INSRR: variants seen among roughly 807,000 people sequenced by gnomAD.
INSRR encodes insulin receptor-related protein.
A neutral mutation model predicts 130.0 loss-of-function variants in INSRR; 114 were observed. The ratio of observed to expected loss-of-function variants is 0.88; its 90% CI spans 0.75 to 1.02. INSRR has a LOEUF of 1.02. Among genes scored for constraint, INSRR ranks in the 50% least tolerant of loss-of-function variants. The pLI is 0.00. For synonymous variants in INSRR, 674 were observed against 705.2 expected, an observed-to-expected ratio of 0.96 and a Z score of 0.70; for missense variants, 1,657 against 1,735.2, an observed-to-expected ratio of 0.95 and a Z score of 0.80.
Position 156,851,717 on chromosome 1 carries a change from A to C in INSRR, c.1013T>G (p.Ile338Ser). The C allele has an allele frequency of 6.2e-7, 1 of 1,614,168 alleles. No homozygotes were observed. Residue 338 changes from isoleucine to serine, a missense_variant, in exon 4 of 22, where the codon ATC becomes AGC. Physicochemically the swap from Ile to Ser is moderately radical, Grantham distance 142. Coordinates refer to ENST00000368195, the MANE Select transcript of INSRR (RefSeq NM_014215.3). ...CKVGTKTIDS[I>S]QAAQDLVGCT... is the part of the protein sequence containing the mutation. ...GCCCACAAGATCCTGTGCCGCCTGG[A>C]TGGAGTCGATGGTCTTGGTGCCTAC... is the stretch of plus-strand genomic sequence containing the variant.
At position 156,851,303 on chromosome 1, in the gene INSRR, C is replaced by T. The variant is rs373665204; in HGVS notation, c.1216G>A (p.Ala406Thr). 139 of 1,613,988 alleles carry T rather than the reference C, an allele frequency of 8.6e-5. No homozygotes were observed. The highest frequency in any genetic ancestry group is 1.1e-4 in the Non-Finnish European group (127 of 1,180,016). Reference protein sequence around the residue: ...FKNLKLIRGDAMVDGNYTLYV... With the variant: ...FKNLKLIRGDTMVDGNYTLYV... ...CCTAACCCTTACCCATCCACCATGG[C>T]GTCTCCCCGGATTAGTTTGAGGTTC... The change falls in exon 5 of 22, where the codon GCC (alanine) becomes ACC (threonine). Residue 406 changes from alanine to threonine, a missense_variant. By Grantham distance (58) the Ala-to-Thr change is moderately conservative. Coordinates refer to ENST00000368195, the MANE Select transcript of INSRR (RefSeq NM_014215.3).
In INSRR at chr1:156,854,289, C is replaced by G; in HGVS notation, c.100G>C (p.Asp34His). ...LDTVEVCPSLDIRSEVAELRQ... is the reference protein window; with the variant it reads ...LDTVEVCPSLHIRSEVAELRQ... The stretch of plus-strand genomic sequence containing the variant: ...AGCTCTGCCACCTCTGAGCGAATAT[C>G]CAGGCTGGGGCACACTGTGGGCATA... Residue 34 changes from aspartate to histidine, a missense_variant, in exon 2 of 22, where the codon GAT becomes CAT. Transcript: ENST00000368195. The surrounding 1 kb of genome is among the most constrained non-coding windows in gnomAD (Gnocchi z 4.2). 2 of 1,611,314 alleles carry G rather than the reference C, an allele frequency of 1.2e-6. No individual in the cohort carries two copies. Among genetic ancestry groups the G allele is most frequent in the Non-Finnish European group, 1.7e-6 (2 of 1,179,016 alleles).
At position 156,854,032 on chromosome 1, in the gene INSRR, C is replaced by T. The variant is rs757031431; in HGVS notation, c.357G>A (p.Glu119=). 3 of 1,614,116 alleles carry T rather than the reference C, an allele frequency of 1.9e-6. No homozygotes were observed. The highest frequency in any genetic ancestry group is 2.5e-6 in the Non-Finnish European group (3 of 1,180,016). Residue 119 remains glutamate, a synonymous_variant, in exon 2 of 22, where the codon GAG becomes GAA. Coordinates refer to ENST00000368195, the MANE Select transcript of INSRR (RefSeq NM_014215.3). The surrounding 1 kb of genome is among the most constrained non-coding windows in gnomAD (Gnocchi z 4.2). ...GTGCCACGTCACGCAGATGTGGCAT[C>T]TCAAAGATGACCAGTGCATAGCCCA... The part of the protein sequence containing the change: ...LFLGYALVIF[E]MPHLRDVALP...
chr1:156,841,821 A>T (rs1342330218), intron 19 of INSRR, 27 bp from the exon 20 acceptor site: 1 of 1,613,812 alleles, frequency 6.2e-7, no homozygotes, highest in African/African-American at 1.3e-5. Context: ...AGGGTGGAGG[A>T]GGTGTGGGGC....
intron 17 of INSRR, 52 bp from the exon 18 acceptor site, chr1:156,842,560 G>T: frequency 6.8e-7 from 1 of 1,463,262 alleles, no homozygotes; most frequent in Non-Finnish European, 9.6e-7. Flanking sequence ...TGACCCATTT[G>T]GCCAAAATTC....
At position 156,841,478 on chromosome 1, in the gene INSRR, T is replaced by C; in HGVS notation, c.3578A>G (p.Tyr1193Cys). Residue 1193 changes from tyrosine to cysteine, a missense_variant, in exon 21 of 22, where the codon TAC (tyrosine) becomes TGC (cysteine). Coordinates refer to ENST00000368195, the MANE Select transcript of INSRR (RefSeq NM_014215.3). ...WEIVTLAEQP[Y>C]QGLSNEQVLK... is the part of the protein sequence containing the mutation. ...CACCTGCTCATTGGACAGGCCCTGG[T>C]AGGGTTGTTCTGCCAGGGTCACAAT... 1.2e-6 allele frequency: 2 copies of C among 1,613,924 alleles called. No homozygotes were observed. The highest frequency in any genetic ancestry group is 1.7e-6 in the Non-Finnish European group (2 of 1,179,906).
rs1174280974 is a variant in INSRR, at chr1:156,854,000, G to T, written c.389C>A (p.Ala130Glu). 1.2e-6 allele frequency: 2 copies of T among 1,613,776 alleles called. No homozygotes were observed. The highest frequency in any genetic ancestry group is 1.7e-6 in the Non-Finnish European group (2 of 1,179,780). The change falls in exon 2 of 22, where the codon GCA (alanine) becomes GAA (glutamate). Residue 130 changes from alanine (A) to glutamate (E), a missense_variant. Transcript: ENST00000368195. ...AGCCCCACGCAGCACGGCCCCAAGT[G>T]CAGGCAGTGCCACGTCACGCAGATG... Reference protein sequence around the residue: ...MPHLRDVALPALGAVLRGAVR... With the variant: ...MPHLRDVALPELGAVLRGAVR...
rs550996068 is a variant in INSRR, at chr1:156,845,716, G to C, written c.2077C>G (p.Pro693Ala). 6.2e-7 allele frequency: 1 copy of C among 1,613,650 alleles called. No individual in the cohort carries two copies. Residue 693 changes from proline to alanine, a missense_variant, in exon 10 of 22, where the codon CCA becomes GCA. Coordinates refer to ENST00000368195, the MANE Select transcript of INSRR (RefSeq NM_014215.3). ...GGGGGCAGAACCTGACCAGGAGGTG[G>C]GTGCTGGCAAGGGCAGCAGTCGGAC... Reference protein sequence around the residue: ...MESDCCPCQHPPPGQVLPPLE... With the variant: ...MESDCCPCQHAPPGQVLPPLE...
At position 156,846,543 on chromosome 1, in the gene INSRR, C is replaced by A; in HGVS notation, c.1786G>T (p.Val596Phe). ...CCTGCAGGCAGCGTTCGGAGGTAGA[C>A]GATGGGACTCTGGGCTCCTTGATGA... ...SPHQGAQSPI[V>F]YLRTLPAAPT... Residue 596 changes from valine to phenylalanine, a missense_variant, in exon 8 of 22, where the codon GTC (valine) becomes TTC (phenylalanine). Transcript: ENST00000368195. 1 of 1,614,104 alleles carries A rather than the reference C, an allele frequency of 6.2e-7. No homozygotes were observed. The highest frequency in any genetic ancestry group is 8.5e-7 in the Non-Finnish European group (1 of 1,179,988).
At chr1:156,844,384 G>T in intron 14 of INSRR, 78 bp downstream of exon 14, 1 of 1,565,996 alleles carries the variant, frequency 6.4e-7, no homozygotes, top group South Asian at 1.2e-5. Context: ...GGAGGGATGC[G>T]GGGGAGGGGC....
rs867185775 is a variant in INSRR at position 156,840,790 on chromosome 1, G to C, written c.*83C>G. 9 of 1,067,472 alleles carry C rather than the reference G, an allele frequency of 8.4e-6. No homozygotes were observed. Among genetic ancestry groups the C allele is most frequent in the Middle Eastern group, 2.8e-4 (1 of 3,570 alleles). The allele number at this position is 1,067,472 out of a possible 1,614,324, so 66.1% of individuals were successfully genotyped here. A position where few individuals can be genotyped will look rare whatever the true frequency, so the allele number is the denominator to read the frequency against. ...TCCCTTGCCCTGAGTTGGGGTGGGGGTGAACATTCAGGCGTCTCAGCCACA... is the reference window on the plus strand; with the variant it reads ...TCCCTTGCCCTGAGTTGGGGTGGGGCTGAACATTCAGGCGTCTCAGCCACA... On this transcript the variant is annotated 3_prime_UTR_variant, in exon 22 of 22. Transcript: ENST00000368195.
rs1654930236 is a variant in INSRR, at chr1:156,844,769, C to T, written c.2512G>A (p.Glu838Lys). The T allele has an allele frequency of 1.2e-6, 2 of 1,614,100 alleles. No individual in the cohort carries two copies. The highest frequency in any genetic ancestry group is 1.7e-6 in the Non-Finnish European group (2 of 1,180,036). ...SKNSVLLRWL[E>K]PPDPNGLILK... ...ATGAGTCCGTTGGGGTCTGGTGGCTCGAGCCAGCGCAGAAGGACACTGTTC... is the reference window on the plus strand; with the variant it reads ...ATGAGTCCGTTGGGGTCTGGTGGCTTGAGCCAGCGCAGAAGGACACTGTTC... Residue 838 changes from glutamate to lysine, a missense_variant, in exon 13 of 22, where the codon GAG (glutamate) becomes AAG (lysine). Transcript: ENST00000368195.
chr1:156,843,293 C>A, intron 16 of INSRR, 60 bp from the exon 17 acceptor site: 4 of 1,575,750 alleles, frequency 2.5e-6, no homozygotes, highest in African/African-American at 1.3e-5. Context: ...CCTCACCCCC[C>A]AACTTCTCTT....
rs1288073186 is a variant in INSRR at position 156,846,664 on chromosome 1, G to A, written c.1665C>T (p.Thr555=). The A allele has an allele frequency of 5.0e-6, 8 of 1,614,176 alleles. No individual in the cohort carries two copies. The highest frequency in any genetic ancestry group is 6.8e-6 in the Non-Finnish European group (8 of 1,180,038). Residue 555 remains threonine, a synonymous_variant, in exon 8 of 22, where the codon ACC becomes ACT. Transcript: ENST00000368195. ...LLDVELPLSR[T]QEPGVTLASL... ...AGGCTAGGGTCACCCCTGGCTCCTG[G>A]GTGCGGCTTAGGGGCAGCTCCACAT...
chr1:156,849,186 C>A (rs1202142144), intron 6 of INSRR, 60 bp downstream of exon 6: 1 of 1,604,748 alleles, frequency 6.2e-7, no homozygotes, highest in African/African-American at 1.3e-5. Context: ...TCTCCCTCCC[C>A]CGGGTGTGCG....
chr1:156,858,314 C>A (rs927809738), intron 1 of INSRR, among the ~76,000 whole-genome samples: 2 of 152,156 alleles, frequency 1.3e-5, no homozygotes, highest in Non-Finnish European at 2.9e-5. Context: ...TCTACTTGTC[C>A]ACGTTTTGAA....
Position 156,845,971 on chromosome 1 carries a change from GA to G in INSRR, c.1958del (p.Leu653ProfsTer78). The G allele has an allele frequency of 6.2e-7, 1 of 1,613,036 alleles. No individual in the cohort carries two copies. Among genetic ancestry groups the G allele is most frequent in the Non-Finnish European group, 8.5e-7 (1 of 1,179,556 alleles). ...GCGCACCGCGGTGGCAGTAGTCATTGAGGTAGAGGTCGCCGTCCTCTGCCAG... is the reference window on the plus strand; with the variant it reads ...GCGCACCGCGGTGGCAGTAGTCATTGGGTAGAGGTCGCCGTCCTCTGCCAG... The part of the protein sequence containing the change: ...QRLAEDGDLY[L>X]NDYCHRGLRL... On this transcript the variant is annotated frameshift_variant, in exon 9 of 22. Transcript: ENST00000368195. LOFTEE classifies it high-confidence loss of function.
In INSRR at chr1:156,848,978, C is replaced by A; in HGVS notation, c.1514G>T (p.Arg505Leu). ...EADRILLRWERYEPLEARDLL... is the reference protein window; with the variant it reads ...EADRILLRWELYEPLEARDLL... ...GTCGCGGGCCTCCAGTGGCTCATAG[C>A]GCTCCCAGCGTAGCAGGATGCGGTC... The change falls in exon 7 of 22, where the codon CGC becomes CTC. Residue 505 changes from arginine to leucine, a missense_variant. Transcript: ENST00000368195. The A allele has an allele frequency of 6.2e-7, 1 of 1,608,854 alleles. No homozygotes were observed. The highest frequency in any genetic ancestry group is 8.5e-7 in the Non-Finnish European group (1 of 1,178,084).
Position 156,845,186 on chromosome 1 carries a change from C to A in INSRR, c.2327G>T (p.Gly776Val). ...CCGGTATTCCGTGAAGTGGCGCAGGCCGCTCAGCACCGCTCGCTCACGGGG... is the reference window on the plus strand; with the variant it reads ...CCGGTATTCCGTGAAGTGGCGCAGGACGCTCAGCACCGCTCGCTCACGGGG... ...KVPRERAVLS[G>V]LRHFTEYRID... Residue 776 changes from glycine (G) to valine (V), a missense_variant, in exon 12 of 22, where the codon GGC (glycine) becomes GTC (valine). Physicochemically the swap from Gly to Val is moderately radical, Grantham distance 109 (BLOSUM62 -3). Transcript: ENST00000368195. 6.2e-7 allele frequency: 1 copy of A among 1,609,152 alleles called. No individual in the cohort carries two copies. The highest frequency in any genetic ancestry group is 1.7e-5 in the Admixed American group (1 of 59,358).
Sources: allele counts gnomAD v4.1 joint callset (sites outside exome capture counted in the v4.1 genomes callset), GRCh38; gene constraint gnomAD v4.1.1; non-coding constraint Gnocchi (gnomAD v3.1); transcripts MANE v1.5; gene names NCBI Gene and HGNC (gene_info 2026-07-23, HGNC 2026-07-21).